The following SH3PXD2B variants were observed in gnomAD, a reference collection of about 807,000 sequenced individuals.
SH3PXD2B encodes the protein SH3 and PX domain-containing protein 2B.
Under a neutral mutation model 73.1 loss-of-function variants are expected in SH3PXD2B, and 37 were observed. The ratio of observed to expected loss-of-function variants is 0.51; its 90% CI spans 0.39 to 0.67. The LOEUF (loss-of-function observed/expected upper bound fraction) is 0.67, where lower values mean the gene tolerates loss of function less well. SH3PXD2B is among the 30% of genes least tolerant of loss of function. SH3PXD2B has a pLI of 0.00. For synonymous variants in SH3PXD2B, 457 were observed against 480.5 expected, an observed-to-expected ratio of 0.95 and a Z score of 0.64; for missense variants, 1,053 against 1,197.8, an observed-to-expected ratio of 0.88 and a Z score of 1.78.
downstream of SH3PXD2B, among the ~76,000 whole-genome samples, chr5:172,332,977 C>T (rs1756591433): frequency 6.6e-6 from 1 of 150,592 alleles, no homozygotes; most frequent in African/African-American, 2.4e-5. Flanking sequence ...ACTCTGTCAC[C>T]CAGGCTGGAG....
chr5:172,388,928 G>A (rs575255836), intron 4 of SH3PXD2B, among the ~76,000 whole-genome samples: 11 of 152,360 alleles, frequency 7.2e-5, no homozygotes, highest in Middle Eastern at 3.4e-3. Flanking sequence ...CAACAGCAGC[G>A]CTGATGGCTG....
At chr5:172,402,233 C>T (rs1221600220) in intron 3 of SH3PXD2B, among the ~76,000 whole-genome samples, 1 of 152,184 alleles carries the variant, frequency 6.6e-6, no homozygotes, top group Non-Finnish European at 1.5e-5. Context: ...GTAGCACTCC[C>T]AGGCTTATTA....
At chr5:172,350,012 G>A (rs1432368467) in intron 10 of SH3PXD2B, among the ~76,000 whole-genome samples, 1 of 152,100 alleles carries the variant, frequency 6.6e-6, no homozygotes, top group African/African-American at 2.4e-5. Context: ...CTGCCACCAC[G>A]CCTGGCTAAT....
intron 2 of SH3PXD2B, among the ~76,000 whole-genome samples, chr5:172,412,581 T>G (rs1758726250): frequency 6.6e-6 from 1 of 152,176 alleles, no homozygotes; most frequent in Non-Finnish European, 1.5e-5. Context: ...CAGGATAAGA[T>G]GCTGGGGGAT....
rs1186012667 is a variant in SH3PXD2B at position 172,368,524 on chromosome 5, T to C, written c.427+5266A>G. 4.0e-4 allele frequency among the ~76,000 whole-genome samples: 11 copies of C among 27,604 alleles called. 1 individual carries two copies. The highest frequency in any genetic ancestry group is 2.0e-3 in the African/African-American group (8 of 3,968). The allele number at this position is 27,604 out of a possible 152,430, so 18.1% of individuals were successfully genotyped here. A position where few individuals can be genotyped will look rare whatever the true frequency, so the allele number is the denominator to read the frequency against. ...TATATATATATATAAAATATATATA[T>C]ATTATATATATATATAAAATATATA... On this transcript the variant is annotated intron_variant, in intron 6 of 12. Transcript: ENST00000311601.
At chr5:172,443,908 A>C (rs1045014157) in intron 1 of SH3PXD2B, among the ~76,000 whole-genome samples, 1 of 152,264 alleles carries the variant, frequency 6.6e-6, no homozygotes, top group African/African-American at 2.4e-5. Flanking sequence ...ATTACCAGTC[A>C]GTGATAGGCA....
chr5:172,441,424 C>T (rs1037704650), intron 1 of SH3PXD2B, among the ~76,000 whole-genome samples: 9 of 152,186 alleles, frequency 5.9e-5, no homozygotes, highest in Non-Finnish European at 8.8e-5. Context: ...CGTCAGTGGC[C>T]GTTGCCTTAG....
intron 2 of SH3PXD2B, among the ~76,000 whole-genome samples, chr5:172,420,353 T>C (rs1025040484): frequency 2.0e-5 from 3 of 152,234 alleles, no homozygotes; most frequent in African/African-American, 7.2e-5. Context: ...ACTTGCTTTA[T>C]ATTATGCAAT....
intron 1 of SH3PXD2B, among the ~76,000 whole-genome samples, chr5:172,450,551 C>T (rs1581350006): frequency 1.3e-5 from 2 of 151,950 alleles, no homozygotes; most frequent in African/African-American, 4.8e-5. Flanking sequence ...CTCAGGTTAC[C>T]GAGGACACTT....
At chr5:172,432,604 C>A (rs1417644918) in intron 1 of SH3PXD2B, among the ~76,000 whole-genome samples, 1 of 152,098 alleles carries the variant, frequency 6.6e-6, no homozygotes, top group Non-Finnish European at 1.5e-5. Context: ...TAGGCAAATT[C>A]GCAAACATGA....
At chr5:172,427,571 C>T (rs1390085068) in intron 1 of SH3PXD2B, among the ~76,000 whole-genome samples, 3 of 151,944 alleles carry the variant, frequency 2.0e-5, no homozygotes, top group Admixed American at 6.6e-5. Context: ...AGGCTGTTAT[C>T]GAACTCCTGG....
intron 2 of SH3PXD2B, among the ~76,000 whole-genome samples, chr5:172,420,656 C>T (rs1554140977): frequency 2.6e-5 from 4 of 152,228 alleles, no homozygotes; most frequent in Non-Finnish European, 4.4e-5. Flanking sequence ...TCAGTCTCCA[C>T]CCTTATTGAC....
At chr5:172,410,178 T>A (rs1758660577) in intron 2 of SH3PXD2B, among the ~76,000 whole-genome samples, 1 of 152,234 alleles carries the variant, frequency 6.6e-6, no homozygotes, top group South Asian at 2.1e-4. Context: ...GATTGCTGAA[T>A]CATATGGAAG....
Position 172,353,751 on chromosome 5 carries a change from C to CT in SH3PXD2B, c.785+136dup. The stretch of plus-strand genomic sequence containing the variant: ...CCACACAACACAGAGGAGAAGTATC[C>CT]TTTTATGGTTCAGGCGGAAACTTCG... On this transcript the variant is annotated intron_variant, in intron 9 of 12. Transcript: ENST00000311601. The surrounding 1 kb of genome is among the most constrained non-coding windows in gnomAD (Gnocchi z 4.3). The CT allele has an allele frequency of 1.3e-6, 1 of 759,220 alleles. No individual in the cohort carries two copies. The highest frequency in any genetic ancestry group is 2.4e-6 in the Non-Finnish European group (1 of 419,562). 47.0% of individuals were successfully genotyped at this position (759,220 alleles called of 1,614,324 possible). A position where few individuals can be genotyped will look rare whatever the true frequency, so the allele number is the denominator to read the frequency against.
At chr5:172,451,048 C>T (rs538622310) in intron 1 of SH3PXD2B, among the ~76,000 whole-genome samples, 1 of 152,328 alleles carries the variant, frequency 6.6e-6, no homozygotes, top group Non-Finnish European at 1.5e-5. Context: ...TGGCTCTGCC[C>T]CTGGGCCCAT....
In SH3PXD2B at chr5:172,325,368, C is replaced by CATCT; in HGVS notation, c.1200_1201insAGAT (p.Val401ArgfsTer13). 5.2e-6 allele frequency: 8 copies of CATCT among 1,535,136 alleles called. No homozygotes were observed. Among genetic ancestry groups the CATCT allele is most frequent in the Non-Finnish European group, 7.0e-6 (8 of 1,146,496 alleles). On this transcript the variant is annotated frameshift_variant, in exon 13 of 13. Coordinates refer to the SH3PXD2B transcript ENST00000519643. LOFTEE classifies it low-confidence loss of function (END_TRUNC). ...ACTTCCACAGGGCTCTCCAAGTGAA[C>CATCT]ATTCTTATGATCCTAGATGAATGCA...
intron 2 of SH3PXD2B, among the ~76,000 whole-genome samples, chr5:172,422,143 C>T (rs574676522): frequency 1.6e-4 from 25 of 152,156 alleles, no homozygotes; most frequent in African/African-American, 3.4e-4. Context: ...TACAGGCACC[C>T]GTCACCGCAC....
chr5:172,439,468 C>T (rs898454749), intron 1 of SH3PXD2B, among the ~76,000 whole-genome samples: 16 of 151,876 alleles, frequency 1.1e-4, no homozygotes, highest in African/African-American at 3.4e-4. Context: ...GGGCTAAAGG[C>T]GCTAATGCAT....
intron 1 of SH3PXD2B, among the ~76,000 whole-genome samples, chr5:172,423,554 G>T (rs13362047): frequency 0.028 from 3,999 of 144,706 alleles, 306 homozygotes; most frequent in African/African-American, 0.099. Context: ...TTGGGGGGGG[G>T]GGCGCACATT....
Sources: gnomAD v4.1 joint callset for allele counts (sites outside exome capture counted in the v4.1 genomes callset) on GRCh38, gnomAD v4.1.1 for gene constraint, Gnocchi (gnomAD v3.1) non-coding constraint, MANE v1.5 for transcripts, NCBI Gene and HGNC (gene_info 2026-07-23, HGNC 2026-07-21) for gene names.